DHX37: variants seen among roughly 807,000 people sequenced by gnomAD.
The protein encoded by DHX37 is DEAH-box helicase 37, also known as probable ATP-dependent RNA helicase DHX37.
A neutral mutation model predicts 134.3 loss-of-function variants in DHX37; 52 were observed. The observed-to-expected ratio is 0.39, with a 90% confidence interval of 0.31 to 0.49. DHX37 has a LOEUF of 0.49. Among genes scored for constraint, DHX37 ranks in the 20% least tolerant of loss-of-function variants. The probability of loss-of-function intolerance (pLI) is 0.93; values close to 1 mark genes in which losing one functional copy is unlikely to be tolerated. For synonymous variants in DHX37, 634 were observed against 670.7 expected, an observed-to-expected ratio of 0.95 and a Z score of 0.85; for missense variants, 1,344 against 1,580.8, an observed-to-expected ratio of 0.85 and a Z score of 2.54.
rs1953995359 is a variant in DHX37, at chr12:124,952,490, G to T, written c.2776C>A (p.Arg926=). 6.2e-7 allele frequency: 1 copy of T among 1,608,864 alleles called. No individual in the cohort carries two copies. The highest frequency in any genetic ancestry group is 1.3e-5 in the African/African-American group (1 of 74,934). Residue 926 remains arginine, a synonymous_variant, in exon 21 of 27, where the codon CGA becomes AGA. Coordinates refer to ENST00000308736, the MANE Select transcript of DHX37 (RefSeq NM_032656.4). The stretch of plus-strand genomic sequence containing the variant: ...CCCAGGCCTGCCGTCACGATCTGTC[G>T]CAGGTAGGTCACCTGGCTCTCGGTG... ...PPTESQVTYL[R]QIVTAGLGDH... is the part of the protein sequence containing the mutation.
At chr12:124,984,897 G>T (rs183858281) in intron 2 of DHX37, among the ~76,000 whole-genome samples, 1 of 152,162 alleles carries the variant, frequency 6.6e-6, no homozygotes. Flanking sequence ...ACGTAATTAC[G>T]TGAAGGATCT....
At chr12:124,950,273 C>A (rs767460072) in intron 23 of DHX37, 30 bp from the exon 24 acceptor site, 1 of 1,612,440 alleles carries the variant, frequency 6.2e-7, no homozygotes, top group Admixed American at 1.7e-5. Context: ...GAGACAGGGA[C>A]CCTCCTGCAG....
chr12:124,950,803 G>T lies in DHX37; in HGVS notation c.2870C>A (p.Thr957Asn). The T allele has an allele frequency of 6.2e-7, 1 of 1,602,970 alleles. No individual in the cohort carries two copies. The highest frequency in any genetic ancestry group is 1.1e-5 in the South Asian group (1 of 89,638). The part of the protein sequence containing the change: ...LEDKWRNAYK[T>N]PLLDDPVFIH... Reference sequence around the variant, plus strand: ...GAAGACAGGGTCGTCGAGGAGAGGGGTCTGCAGAGAATGGAGAGTGATGTG... The same window carrying T: ...GAAGACAGGGTCGTCGAGGAGAGGGTTCTGCAGAGAATGGAGAGTGATGTG... The change falls in exon 22 of 27, where the codon ACC becomes AAC. Residue 957 changes from threonine (T) to asparagine (N), a missense_variant and splice_region_variant. Transcript: ENST00000308736.
chr12:124,964,730 T>C, intron 14 of DHX37, 104 bp from the exon 15 acceptor site: 3 of 1,528,790 alleles, frequency 2.0e-6, no homozygotes, highest in African/African-American at 2.8e-5. Flanking sequence ...GCTGGAGACG[T>C]AGCAAGGACA....
In DHX37 at chr12:124,953,884, G is replaced by C; in HGVS notation, c.2691C>G (p.Thr897=). The change falls in exon 20 of 27, where the codon ACC becomes ACG. Residue 897 remains threonine, a synonymous_variant. Coordinates refer to ENST00000308736, the MANE Select transcript of DHX37 (RefSeq NM_032656.4). ...EIRRLRGQLT[T]AVNAVCPEAE... Reference sequence around the variant, plus strand: ...CGTGCCGGCACGGGGCCGTACCTGCGGTGGTCAGCTGGCCCCGCAGGCGCC... The same window carrying C: ...CGTGCCGGCACGGGGCCGTACCTGCCGTGGTCAGCTGGCCCCGCAGGCGCC... 6.2e-7 allele frequency: 1 copy of C among 1,611,200 alleles called. No individual in the cohort carries two copies. Among genetic ancestry groups the C allele is most frequent in the Non-Finnish European group, 8.5e-7 (1 of 1,179,158 alleles).
Position 124,958,595 on chromosome 12 carries a change from C to T in DHX37, c.2158-1460G>A, listed in dbSNP as rs183394485. On this transcript the variant is annotated intron_variant, in intron 16 of 26. Transcript: ENST00000308736. Reference sequence around the variant, plus strand: ...ATAACCTGAGGTCACACGTGCTGAACGCCCAGCACATACTTGGCATCCATG... The same window carrying T: ...ATAACCTGAGGTCACACGTGCTGAATGCCCAGCACATACTTGGCATCCATG... 1.6e-3 allele frequency among the ~76,000 whole-genome samples: 237 copies of T among 152,234 alleles called. 1 individual carries two copies. The highest frequency in any genetic ancestry group is 2.2e-4 in the Non-Finnish European group (15 of 68,014).
chr12:124,982,951 T>C (rs1467108776), intron 2 of DHX37, among the ~76,000 whole-genome samples: 1 of 152,170 alleles, frequency 6.6e-6, no homozygotes, highest in African/African-American at 2.4e-5. Context: ...CCCTAGCTGC[T>C]CTGAGGAAGG....
chr12:124,961,178 ATGCG>A lies in DHX37; in HGVS notation c.2046-759_2046-756del, dbSNP rs1250365757. ...CACACACACTTACATACACGCGCGC[ATGCG>A]CGCACGCACACACACACATACACGT... On this transcript the variant is annotated intron_variant, in intron 15 of 26. Coordinates refer to ENST00000308736, the MANE Select transcript of DHX37 (RefSeq NM_032656.4). 6.4e-3 allele frequency among the ~76,000 whole-genome samples: 398 copies of A among 62,086 alleles called. 4 individuals are homozygous for A. Among genetic ancestry groups the A allele is most frequent in the African/African-American group, 0.023 (353 of 15,328 alleles). The allele number at this position is 62,086 out of a possible 152,430, so 40.7% of individuals were successfully genotyped here. A position where few individuals can be genotyped will look rare whatever the true frequency, so the allele number is the denominator to read the frequency against.
In DHX37 at chr12:124,982,559, T is replaced by C; in HGVS notation, c.341A>G (p.Tyr114Cys). ...CCCAGTGCCTAGCTTGGAAGTGGTA[T>C]AAAAGAGTCTCATCTCAGCTTCGGA... ...QASEAEMRLFYTTSKLGTGNR... is the reference protein window; with the variant it reads ...QASEAEMRLFCTTSKLGTGNR... The change falls in exon 3 of 27, where the codon TAT becomes TGT. Residue 114 changes from tyrosine to cysteine, a missense_variant. By Grantham distance (194) the Tyr-to-Cys change is radical. Coordinates refer to ENST00000308736, the MANE Select transcript of DHX37 (RefSeq NM_032656.4). The C allele has an allele frequency of 6.2e-7, 1 of 1,613,778 alleles. No individual in the cohort carries two copies. Among genetic ancestry groups the C allele is most frequent in the South Asian group, 1.1e-5 (1 of 91,068 alleles).
At chr12:124,966,757 T>A in intron 12 of DHX37, 36 bp downstream of exon 12, 1 of 1,606,014 alleles carries the variant, frequency 6.2e-7, no homozygotes, top group African/African-American at 1.3e-5. Flanking sequence ...CAACGCAGCC[T>A]TACTCTCCAG....
chr12:124,948,055 T>C (rs1291417336), intron 26 of DHX37, 29 bp downstream of exon 26: 1 of 1,614,096 alleles, frequency 6.2e-7, no homozygotes, highest in African/African-American at 1.3e-5. Flanking sequence ...TCCTGTCTAC[T>C]CCCACCCCCT....
chr12:124,956,803 C>T lies in DHX37; in HGVS notation c.2341G>A (p.Ala781Thr). 2 of 1,611,624 alleles carry T rather than the reference C, an allele frequency of 1.2e-6. No homozygotes were observed. The highest frequency in any genetic ancestry group is 1.7e-6 in the Non-Finnish European group (2 of 1,178,248). ...LGRTMATFPV[A>T]PRYAKMLALS... ...GCCAGCATCTTAGCGTAGCGGGGTGCCACGGGGAATGTGGCCATTGTCCGG... is the reference window on the plus strand; with the variant it reads ...GCCAGCATCTTAGCGTAGCGGGGTGTCACGGGGAATGTGGCCATTGTCCGG... The change falls in exon 18 of 27, where the codon GCA (alanine) becomes ACA (threonine). Residue 781 changes from alanine to threonine, a missense_variant. Ala to Thr is a moderately conservative substitution (Grantham distance 58, BLOSUM62 0). Around this residue, in one of 7 missense-constraint regions of DHX37, gnomAD observed 558 missense variants for 650.0 expected, o/e 0.86. Coordinates refer to ENST00000308736, the MANE Select transcript of DHX37 (RefSeq NM_032656.4).
In DHX37 at chr12:124,957,152, C is replaced by T. The variant is rs369118584; in HGVS notation, c.2158-17G>A. 6.7e-5 allele frequency: 99 copies of T among 1,486,584 alleles called. No homozygotes were observed. The Middle Eastern group carries it at 7.2e-4, about 11-fold the overall frequency. The allele number at this position is 1,486,584 out of a possible 1,614,324, so 92.1% of individuals were successfully genotyped here. On this transcript the variant is annotated splice_polypyrimidine_tract_variant and intron_variant, in intron 16 of 26. Transcript: ENST00000308736. ...GTTGATGACCTGGGACACAAGGAGACGTGGCAGGGACAGGGTGAATGCCAA... is the reference window on the plus strand; with the variant it reads ...GTTGATGACCTGGGACACAAGGAGATGTGGCAGGGACAGGGTGAATGCCAA...
At position 124,965,722 on chromosome 12, in the gene DHX37, C is replaced by T; in HGVS notation, c.1681G>A (p.Gly561Arg). 5 of 1,614,004 alleles carry T rather than the reference C, an allele frequency of 3.1e-6. No homozygotes were observed. The highest frequency in any genetic ancestry group is 3.3e-4 in the Middle Eastern group (2 of 6,060). Residue 561 changes from glycine to arginine, a missense_variant, in exon 13 of 27, where the codon GGG becomes AGG. Transcript: ENST00000308736. Reference protein sequence around the residue: ...DREAEVDEEEGALDSDLDLDL... With the variant: ...DREAEVDEEERALDSDLDLDL... ...AGATCGAGGTCGGAGTCCAGGGCCC[C>T]CTCTTCCTCATCCACTTCTGCCTCC...
At position 124,949,835 on chromosome 12, in the gene DHX37, A is replaced by C. The variant is rs1417991980; in HGVS notation, c.3290+151T>G. The C allele has an allele frequency of 3.5e-6, 3 of 863,666 alleles. No homozygotes were observed. In the East Asian group the frequency reaches 8.1e-5, roughly 23 times the overall value. The allele number at this position is 863,666 out of a possible 1,614,324, so 53.5% of individuals were successfully genotyped here. On this transcript the variant is annotated intron_variant, in intron 25 of 26. Transcript: ENST00000308736. The surrounding 1 kb of genome is among the most constrained non-coding windows in gnomAD (Gnocchi z 4.0). ...ACCCTCCCCGAGAGCCGCTGCACAGACCGTGGCTCTGCAGAGCCTTCAGAC... is the reference window on the plus strand; with the variant it reads ...ACCCTCCCCGAGAGCCGCTGCACAGCCCGTGGCTCTGCAGAGCCTTCAGAC...
At position 124,957,016 on chromosome 12, in the gene DHX37, C is replaced by T. The variant is rs7135738; in HGVS notation, c.2264+13G>A. On this transcript the variant is annotated intron_variant, in intron 17 of 26. Coordinates refer to ENST00000308736, the MANE Select transcript of DHX37 (RefSeq NM_032656.4). ...ACGGGGCAGGAACTGGGCTCTGCAT[C>T]TCTTGGCCTTACCTTTCTGCTTTCT... is the stretch of plus-strand genomic sequence containing the variant. 807 of 1,520,448 alleles carry T rather than the reference C, an allele frequency of 5.3e-4. 2 individuals carry two copies. In the African/African-American group the frequency reaches 9.7e-3, roughly 18 times the overall value. 94.2% of individuals were successfully genotyped at this position (1,520,448 alleles called of 1,614,324 possible).
intron 5 of DHX37, among the ~76,000 whole-genome samples, chr12:124,976,381 T>C (rs1343676143): frequency 1.3e-5 from 2 of 152,168 alleles, no homozygotes; most frequent in Non-Finnish European, 2.9e-5. Context: ...CCAACACACA[T>C]GGGTCAAAAG....
chr12:124,949,922 CG>C lies in DHX37; in HGVS notation c.3290+63del, dbSNP rs1342875830. On this transcript the variant is annotated intron_variant, in intron 25 of 26. Transcript: ENST00000308736. The surrounding 1 kb of genome is among the most constrained non-coding windows in gnomAD (Gnocchi z 4.0). ...GTGTGGTGCTTTGTCCTGGCAGCCCCGGGGAGGTCATTCAGGCCTCGGACCC... is the reference window on the plus strand; with the variant it reads ...GTGTGGTGCTTTGTCCTGGCAGCCCCGGGAGGTCATTCAGGCCTCGGACCC... The C allele has an allele frequency of 3.3e-6, 5 of 1,512,332 alleles. No individual in the cohort carries two copies. In the African/African-American group the frequency reaches 6.9e-5, roughly 21 times the overall value. 93.7% of individuals were successfully genotyped at this position (1,512,332 alleles called of 1,614,324 possible). A position where few individuals can be genotyped will look rare whatever the true frequency, so the allele number is the denominator to read the frequency against.
At chr12:124,961,270 GCGTGCACGCA>G (rs1954252377) in intron 15 of DHX37, among the ~76,000 whole-genome samples, 1 of 96,436 alleles carries the variant, frequency 1.0e-5, no homozygotes, top group African/African-American at 5.0e-5. Context: ...ACACATACAC[GCGTGCACGCA>G]CACACACTTA....
Sources: gnomAD v4.1 joint callset for allele counts (sites outside exome capture counted in the v4.1 genomes callset) on GRCh38, gnomAD v4.1.1 for gene constraint, gnomAD v4.1.1 regional missense constraint, Gnocchi (gnomAD v3.1) non-coding constraint, MANE v1.5 for transcripts, NCBI Gene and HGNC (gene_info 2026-07-23, HGNC 2026-07-21) for gene names.